Variants in SLC4A1AP observed in about 807,000 individuals in gnomAD.
SLC4A1AP encodes the protein solute carrier family 4 member 1 adaptor protein.
Under a neutral mutation model 89.7 loss-of-function variants are expected in SLC4A1AP, and 64 were observed. The ratio of observed to expected loss-of-function variants is 0.71; its 90% confidence interval spans 0.58 to 0.88. The LOEUF (loss-of-function observed/expected upper bound fraction) is 0.88. Among genes scored for constraint, SLC4A1AP ranks in the 40% least tolerant of loss-of-function variants. SLC4A1AP has a pLI of 0.00. For synonymous variants in SLC4A1AP, 366 were observed against 353.3 expected, an observed-to-expected ratio of 1.04 and a Z score of -0.40; for missense variants, 931 against 965.0, an observed-to-expected ratio of 0.96 and a Z score of 0.47.
At chr2:27,664,444 T>A in exon 1 of SLC4A1AP, 1 of 1,614,230 alleles carries the variant, frequency 6.2e-7, no homozygotes, top group Non-Finnish European at 8.5e-7. Flanking sequence ...GGGCCGGGCT[T>A]CTACCTCTAC....
rs768833197 is a variant in SLC4A1AP, at chr2:27,667,384, C to G, written c.1138C>G (p.Arg380Gly). The change falls in exon 3 of 14, where the codon CGA (arginine) becomes GGA (glycine). Residue 380 changes from arginine (R) to glycine (G), a missense_variant. By Grantham distance (125) the Arg-to-Gly change is moderately radical. Coordinates refer to ENST00000613058, the Ensembl canonical transcript of SLC4A1AP. ...AAAGGCTCTCCAAGGCTTTTTTGAC[C>G]GAGAAGGTATGTAAACAGATTCTGA... 4.1e-5 allele frequency: 66 copies of G among 1,611,646 alleles called. No individual in the cohort carries two copies. Among genetic ancestry groups the G allele is most frequent in the Non-Finnish European group, 5.1e-5 (60 of 1,179,102 alleles).
intron 2 of SLC4A1AP, among the ~76,000 whole-genome samples, chr2:27,666,721 T>C (rs976971313): frequency 2.0e-5 from 3 of 151,792 alleles, no homozygotes; most frequent in Non-Finnish European, 4.4e-5. Context: ...GAAAAAAAAA[T>C]TAAGGTGCCA....
chr2:27,671,807 C>T (rs1675431016), intron 5 of SLC4A1AP, among the ~76,000 whole-genome samples: 1 of 152,172 alleles, frequency 6.6e-6, no homozygotes, highest in Non-Finnish European at 1.5e-5. Context: ...CACATCTTTC[C>T]TTTTCTTGGT....
intron 9 of SLC4A1AP, 31 bp from the exon 10 acceptor site, chr2:27,685,005 AC>A: frequency 6.4e-7 from 1 of 1,562,098 alleles, no homozygotes; most frequent in Non-Finnish European, 8.6e-7. Flanking sequence ...ATTAAGTAGA[AC>A]TACTTGTTCA....
At chr2:27,668,566 T>C (rs951887932) in intron 3 of SLC4A1AP, 25 of 596,374 alleles carry the variant, frequency 4.2e-5, no homozygotes, top group African/African-American at 3.8e-4. Context: ...GCTCCGGCCT[T>C]AGCCCCCGTA....
chr2:27,692,749 T>C (rs944486188), intron 12 of SLC4A1AP: 3 of 152,188 alleles, frequency 2.0e-5, no homozygotes, highest in Non-Finnish European at 4.4e-5. Flanking sequence ...TAGCCTTCTT[T>C]GTCTTTTTTT....
chr2:27,669,967 G>A (rs1023490365), intron 5 of SLC4A1AP, among the ~76,000 whole-genome samples: 13 of 152,240 alleles, frequency 8.5e-5, no homozygotes, highest in Admixed American at 8.5e-4. Context: ...GGGTTCAAGC[G>A]ATTCTCCTGC....
At chr2:27,678,864 A>G (rs1460175693) in intron 8 of SLC4A1AP, among the ~76,000 whole-genome samples, 4 of 151,658 alleles carry the variant, frequency 2.6e-5, no homozygotes, top group Non-Finnish European at 5.9e-5. Flanking sequence ...GACCACACGC[A>G]TGCTCCACCA....
chr2:27,688,680 G>GTT lies in SLC4A1AP; in HGVS notation c.2204-12_2204-11dup. 13 of 1,505,880 alleles carry GTT rather than the reference G, an allele frequency of 8.6e-6. No homozygotes were observed. The highest frequency in any genetic ancestry group is 3.7e-5 in the South Asian group (3 of 81,982). The allele number at this position is 1,505,880 out of a possible 1,614,324, so 93.3% of individuals were successfully genotyped here. A position where few individuals can be genotyped will look rare whatever the true frequency, so the allele number is the denominator to read the frequency against. On this transcript the variant is annotated intron_variant, in intron 11 of 13. Transcript: ENST00000613058. ...CTTATACTGAAAATAGCTATTGCCA[G>GTT]TTTTTTTTTCTTAAATTAGCATCAA...
At chr2:27,687,264 T>A (rs1675717759) in intron 10 of SLC4A1AP, among the ~76,000 whole-genome samples, 2 of 152,170 alleles carry the variant, frequency 1.3e-5, no homozygotes, top group South Asian at 4.1e-4. Flanking sequence ...TATTTCTTAA[T>A]TTTTGCTATT....
chr2:27,673,397 ACTTTC>A (rs1675459663), intron 5 of SLC4A1AP, among the ~76,000 whole-genome samples: 1 of 49,332 alleles, frequency 2.0e-5, no homozygotes, highest in Non-Finnish European at 3.6e-5. Flanking sequence ...CCTTTCCCTT[ACTTTC>A]CCTCCCTCCC....
At chr2:27,690,328 C>T (rs1391181469) in intron 12 of SLC4A1AP, among the ~76,000 whole-genome samples, 1 of 152,058 alleles carries the variant, frequency 6.6e-6, no homozygotes, top group South Asian at 2.1e-4. Context: ...CTCTGAGTCT[C>T]CAAAGTCCAT....
exon 1 of SLC4A1AP, chr2:27,663,964 G>C (rs1343884185): frequency 1.2e-6 from 2 of 1,614,232 alleles, no homozygotes; most frequent in East Asian, 4.5e-5. Context: ...CAAGACCTCA[G>C]TGGGGACTTC....
At chr2:27,685,169 G>A (rs1203436399) in exon 10 of SLC4A1AP, 1 of 1,614,174 alleles carries the variant, frequency 6.2e-7, no homozygotes. Flanking sequence ...GAAAAAACTG[G>A]AGGATGGAAG....
chr2:27,679,352 C>T (rs914031603), intron 8 of SLC4A1AP, among the ~76,000 whole-genome samples: 2 of 152,154 alleles, frequency 1.3e-5, no homozygotes, highest in Admixed American at 6.5e-5. Flanking sequence ...CCTGTAATCC[C>T]AGCACTTTGG....
chr2:27,683,217 T>C (rs1675648531), intron 9 of SLC4A1AP, among the ~76,000 whole-genome samples: 1 of 152,242 alleles, frequency 6.6e-6, no homozygotes, highest in Non-Finnish European at 1.5e-5. Context: ...AGCTTTATGA[T>C]TTCCCTGCTA....
At chr2:27,675,886 A>G (rs572275150) in intron 6 of SLC4A1AP, among the ~76,000 whole-genome samples, 194 bp downstream of exon 6, 2 of 152,332 alleles carry the variant, frequency 1.3e-5, no homozygotes, top group Non-Finnish European at 2.9e-5. Flanking sequence ...TGAAAAAAAT[A>G]TGGCTTGCTG....
At chr2:27,675,431 A>G (rs1189181508) in intron 5 of SLC4A1AP, 101 bp from the exon 6 acceptor site, 3 of 711,224 alleles carry the variant, frequency 4.2e-6, no homozygotes, top group African/African-American at 3.6e-5. Flanking sequence ...CCTCTCTTTC[A>G]GTAGTTGATG....
chr2:27,668,896 A>G, exon 4 of SLC4A1AP: 1 of 1,613,936 alleles, frequency 6.2e-7, no homozygotes, highest in Non-Finnish European at 8.5e-7. Context: ...TTGGCTCTGC[A>G]GGGTGAGGTA....
Sources: allele counts gnomAD v4.1 joint callset (sites outside exome capture counted in the v4.1 genomes callset), GRCh38; gene constraint gnomAD v4.1.1; transcripts MANE v1.5; gene names NCBI Gene and HGNC (gene_info 2026-07-23, HGNC 2026-07-21).